Variants in CEP250 observed in about 807,000 individuals in gnomAD.
The protein encoded by CEP250 is centrosome-associated protein CEP250.
Under a neutral mutation model 315.7 loss-of-function variants are expected in CEP250, and 242 were observed. That is an observed-to-expected ratio of 0.77 (90% CI 0.69 to 0.85). The LOEUF (loss-of-function observed/expected upper bound fraction) is 0.85, where lower values mean the gene tolerates loss of function less well. CEP250 is among the 40% of genes least tolerant of loss of function. The probability of loss-of-function intolerance (pLI) is 0.00; values close to 1 mark genes in which losing one functional copy is unlikely to be tolerated. For missense variants in CEP250, 2,515 were observed against 2,886.4 expected, an observed-to-expected ratio of 0.87 and a Z score of 2.95; for synonymous variants, 1,088 against 1,175.0, an observed-to-expected ratio of 0.93 and a Z score of 1.51.
chr20:35,460,262 C>T (rs1358025911), intron 3 of CEP250, among the ~76,000 whole-genome samples, 157 bp downstream of exon 3: 1 of 152,236 alleles, frequency 6.6e-6, no homozygotes, highest in Non-Finnish European at 1.5e-5. Context: ...CTACTTTATG[C>T]ACTTTCCTTA....
In CEP250 at chr20:35,479,404, T is replaced by A. The variant is rs150588824; in HGVS notation, c.2268T>A (p.Ala756=). Residue 756 remains alanine (A), a synonymous_variant, in exon 18 of 35, where the codon GCT becomes GCA. Coordinates refer to ENST00000397527, the MANE Select transcript of CEP250 (RefSeq NM_007186.6). ...TGGAGCGTGACCGGCAGGACCTCGCTGAACAACTACAGGGGCTCAGGTAGG... is the reference window on the plus strand; with the variant it reads ...TGGAGCGTGACCGGCAGGACCTCGCAGAACAACTACAGGGGCTCAGGTAGG... ...QAVERDRQDL[A]EQLQGLSSAK... The A allele has an allele frequency of 9.9e-6, 16 of 1,613,792 alleles. No individual in the cohort carries two copies. The African/African-American group carries it at 2.1e-4, about 22-fold the overall frequency.
chr20:35,516,671 A>G lies in CEP250; in HGVS notation c.*5045A>G, dbSNP rs2064438616. On this transcript the variant is annotated 3_prime_UTR_variant, in exon 35 of 35. Transcript: ENST00000397527. Reference sequence around the variant, plus strand: ...TCTGAGAAGGAGCTCACCTCTAGGCACACAGAACCTGGACACAGATGAAAG... The same window carrying G: ...TCTGAGAAGGAGCTCACCTCTAGGCGCACAGAACCTGGACACAGATGAAAG... 1 of 152,278 alleles carries G rather than the reference A, an allele frequency of 6.6e-6. No homozygotes were observed. The highest frequency in any genetic ancestry group is 2.4e-5 in the African/African-American group (1 of 41,468). The allele number at this position is 152,278 out of a possible 1,614,324, so 9.4% of individuals were successfully genotyped here. A position where few individuals can be genotyped will look rare whatever the true frequency, so the allele number is the denominator to read the frequency against.
At chr20:35,466,304 A>G in intron 7 of CEP250, 100 bp downstream of exon 7, 1 of 1,353,250 alleles carries the variant, frequency 7.4e-7, no homozygotes, top group Non-Finnish European at 1.0e-6. Context: ...CTTGGATGAA[A>G]ACTGAGCTGT....
intron 2 of CEP250, 63 bp downstream of exon 2, chr20:35,458,437 G>A (rs2062679969): frequency 6.6e-6 from 1 of 152,188 alleles, no homozygotes; most frequent in South Asian, 2.1e-4. Flanking sequence ...AAATTCATGA[G>A]TGTTTATGGG....
At chr20:35,491,807 CAGG>C (rs1451956048) in intron 22 of CEP250, among the ~76,000 whole-genome samples, 1 of 143,860 alleles carries the variant, frequency 7.0e-6, no homozygotes, top group Non-Finnish European at 1.5e-5. Flanking sequence ...GAGGCTGAAG[CAGG>C]AGAATAGCTT....
At chr20:35,486,517 A>G (rs2063519312) in intron 20 of CEP250, among the ~76,000 whole-genome samples, 1 of 151,980 alleles carries the variant, frequency 6.6e-6, no homozygotes, top group Non-Finnish European at 1.5e-5. Flanking sequence ...TGCTGGGATT[A>G]TAGGTATGAA....
rs751693619 is a variant in CEP250 at position 35,494,537 on chromosome 20, A to G, written c.3047A>G (p.Lys1016Arg). 3 of 1,613,900 alleles carry G rather than the reference A, an allele frequency of 1.9e-6. No individual in the cohort carries two copies. In the South Asian group the frequency reaches 3.3e-5, roughly 18 times the overall value. ...MDLQKQVEDL[K>R]SQLVAQDDSQ... ...TTAATTTTCCAGGTGGAGGACTTGA[A>G]GTCTCAGCTGGTGGCCCAGGATGAC... Residue 1016 changes from lysine (K) to arginine (R), a missense_variant, in exon 24 of 35, where the codon AAG (lysine) becomes AGG (arginine). Transcript: ENST00000397527.
chr20:35,475,572 G>T lies in CEP250; in HGVS notation c.1642G>T (p.Ala548Ser). The T allele has an allele frequency of 6.2e-7, 1 of 1,614,162 alleles. No homozygotes were observed. Among genetic ancestry groups the T allele is most frequent in the Non-Finnish European group, 8.5e-7 (1 of 1,180,018 alleles). The change falls in exon 15 of 35, where the codon GCC (alanine) becomes TCC (serine). Residue 548 changes from alanine (A) to serine (S), a missense_variant. Coordinates refer to ENST00000397527, the MANE Select transcript of CEP250 (RefSeq NM_007186.6). ...CAGTGAACTGATCACTCTTCGGGAAGCCCTGGAGTCAAGTCACCTGGAAGG... is the reference window on the plus strand; with the variant it reads ...CAGTGAACTGATCACTCTTCGGGAATCCCTGGAGTCAAGTCACCTGGAAGG... Reference protein sequence around the residue: ...SLSELITLREALESSHLEGEL... With the variant: ...SLSELITLRESLESSHLEGEL...
intron 24 of CEP250, among the ~76,000 whole-genome samples, chr20:35,495,768 C>CA (rs201918792): frequency 3.4e-3 from 508 of 151,450 alleles, no homozygotes; most frequent in Non-Finnish European, 3.2e-3. Flanking sequence ...CAAAAAACAA[C>CA]AAAAAAAAGA....
At chr20:35,498,438 A>G (rs2063906988) in intron 26 of CEP250, among the ~76,000 whole-genome samples, 157 bp from the exon 27 acceptor site, 4 of 152,238 alleles carry the variant, frequency 2.6e-5, no homozygotes, top group African/African-American at 9.6e-5. Flanking sequence ...TGCCTGGCCC[A>G]TACTTATGGA....
At chr20:35,507,091 C>G (rs1366561431) in intron 30 of CEP250, among the ~76,000 whole-genome samples, 1 of 152,180 alleles carries the variant, frequency 6.6e-6, no homozygotes, top group Admixed American at 6.5e-5. Flanking sequence ...TCATCTGCCT[C>G]TAGAGCGCAG....
At chr20:35,480,612 T>G (rs568312319) in intron 20 of CEP250, among the ~76,000 whole-genome samples, 3 of 150,196 alleles carry the variant, frequency 2.0e-5, no homozygotes, top group East Asian at 3.9e-4. Context: ...TTTTTTTCCT[T>G]GAGACAGTCT....
chr20:35,500,201 G>C, intron 28 of CEP250, 32 bp downstream of exon 28: 1 of 1,611,196 alleles, frequency 6.2e-7, no homozygotes, highest in Non-Finnish European at 8.5e-7. Flanking sequence ...GGGAGATTGA[G>C]AGGGAGAAGG....
At chr20:35,505,367 C>T (rs149063083) in intron 30 of CEP250, among the ~76,000 whole-genome samples, 7 of 152,184 alleles carry the variant, frequency 4.6e-5, no homozygotes, top group East Asian at 3.9e-4. Flanking sequence ...TAAGATTAGA[C>T]CTGGGCCAGG....
intron 3 of CEP250, among the ~76,000 whole-genome samples, chr20:35,461,467 C>T (rs1199185199): frequency 6.6e-6 from 1 of 152,244 alleles, no homozygotes; most frequent in Non-Finnish European, 1.5e-5. Context: ...CCGCCTCTGC[C>T]TGTGGTGGCC....
chr20:35,457,373 TTTTA>T (rs1028177793), intron 1 of CEP250, among the ~76,000 whole-genome samples: 1 of 151,942 alleles, frequency 6.6e-6, no homozygotes, highest in Admixed American at 6.6e-5. Context: ...GGTGATAGTA[TTTTA>T]TTTATTTATT....
rs376251518 is a variant in CEP250, at chr20:35,503,681, T to G, written c.5312T>G (p.Leu1771Arg). The change falls in exon 30 of 35, where the codon CTC (leucine) becomes CGC (arginine). Residue 1771 changes from leucine to arginine, a missense_variant. Physicochemically the swap from Leu to Arg is moderately radical, Grantham distance 102 (BLOSUM62 -2). Coordinates refer to ENST00000397527, the MANE Select transcript of CEP250 (RefSeq NM_007186.6). This position sits in a 1 kb window ranked among gnomAD's most constrained non-coding sequence, Gnocchi z 4.2. ...CACAGGAAGGTAGGTGAGACCAGCC[T>G]CCTCCTGTCCCAGCGAGAGCAGGAA... ...GLHRKVGETSLLLSQREQEIV... is the reference protein window; with the variant it reads ...GLHRKVGETSRLLSQREQEIV... 7.4e-6 allele frequency: 12 copies of G among 1,613,876 alleles called. No homozygotes were observed. The highest frequency in any genetic ancestry group is 1.7e-5 in the Admixed American group (1 of 59,996).
intron 14 of CEP250, chr20:35,474,752 G>A (rs2063122186): frequency 2.1e-6 from 1 of 470,314 alleles, no homozygotes; most frequent in Non-Finnish European, 4.4e-6. Flanking sequence ...TCTGTCACAT[G>A]GACAGATTAT....
chr20:35,480,261 C>A, intron 20 of CEP250, 116 bp downstream of exon 20: 1 of 1,052,302 alleles, frequency 9.5e-7, no homozygotes, highest in Non-Finnish European at 1.3e-6. Context: ...GCTGTAAAAT[C>A]CAACTTCCTG....
Sources: allele counts gnomAD v4.1 joint callset (sites outside exome capture counted in the v4.1 genomes callset), GRCh38; gene constraint gnomAD v4.1.1; non-coding constraint Gnocchi (gnomAD v3.1); transcripts MANE v1.5; gene names NCBI Gene and HGNC (gene_info 2026-07-23, HGNC 2026-07-21).